PHF24: variants seen among roughly 807,000 people sequenced by gnomAD.
PHF24 encodes Galpha inhibitory interacting protein.
PHF24 carries 25 observed loss-of-function variants against 42.6 expected under a neutral mutation model. That is an observed-to-expected ratio of 0.59 (90% CI 0.43 to 0.82). PHF24 has a LOEUF of 0.82. PHF24 is among the 40% of genes least tolerant of loss of function. The pLI is 0.00. For missense variants in PHF24, 470 were observed against 538.1 expected (o/e 0.87, Z 1.25); for synonymous variants, 185 against 204.8 (o/e 0.90, Z 0.83).
the PHF24 span, among the ~76,000 whole-genome samples, chr9:34,803,520 GT>G: frequency 2.6e-5 from 4 of 152,188 alleles, no homozygotes; most frequent in Admixed American, 6.5e-5. Context: ...AAACAGGAGT[GT>G]AAGAGGGGAC....
chr9:34,845,646 T>C, the PHF24 span, among the ~76,000 whole-genome samples: 1 of 152,064 alleles, frequency 6.6e-6, no homozygotes, highest in African/African-American at 2.4e-5. Context: ...ATGTGCACAA[T>C]GTGCAGGTTA....
chr9:34,956,423 C>G (rs541939943), upstream of PHF24, among the ~76,000 whole-genome samples: 14 of 152,226 alleles, frequency 9.2e-5, no homozygotes, highest in South Asian at 2.3e-3. Flanking sequence ...CTGCACCTGG[C>G]TAATTGTTGT....
At chr9:34,803,939 T>C in the PHF24 span, among the ~76,000 whole-genome samples, 2 of 152,180 alleles carry the variant, frequency 1.3e-5, no homozygotes, top group African/African-American at 4.8e-5. Context: ...ATTTTTCATA[T>C]AGATGCTAAG....
chr9:34,715,378 G>A, the PHF24 span, among the ~76,000 whole-genome samples: 1 of 152,072 alleles, frequency 6.6e-6, no homozygotes, highest in East Asian at 1.9e-4. Flanking sequence ...TCAGCTGCTG[G>A]CCTGGGTTTA....
the PHF24 span, among the ~76,000 whole-genome samples, chr9:34,743,279 ACT>A: frequency 6.6e-6 from 1 of 152,206 alleles, no homozygotes; most frequent in African/African-American, 2.4e-5. Context: ...AAAGTAGTAA[ACT>A]CTATAAAGCA....
At chr9:34,758,489 T>A in the PHF24 span, among the ~76,000 whole-genome samples, 1 of 152,036 alleles carries the variant, frequency 6.6e-6, no homozygotes, top group Admixed American at 6.5e-5. This position sits in a 1 kb window ranked among gnomAD's most constrained non-coding sequence, Gnocchi z 4.4. Context: ...TTCCCTGCTG[T>A]GCAGGACCCA....
At chr9:34,953,408 G>A (rs1826304075), upstream of PHF24, among the ~76,000 whole-genome samples, 1 of 152,128 alleles carries the variant, frequency 6.6e-6, no homozygotes, top group Non-Finnish European at 1.5e-5. This position sits in a 1 kb window ranked among gnomAD's most constrained non-coding sequence, Gnocchi z 4.1. Flanking sequence ...AAGGCACTGG[G>A]ATTATAGGTG....
At chr9:34,971,463 A>G in exon 2 of PHF24, 1 of 1,614,198 alleles carries the variant, frequency 6.2e-7, no homozygotes, top group Non-Finnish European at 8.5e-7. Flanking sequence ...TCCAGGAGGT[A>G]CAGGAGGAGA....
the PHF24 span, among the ~76,000 whole-genome samples, chr9:34,666,736 A>T: frequency 6.6e-6 from 1 of 152,136 alleles, no homozygotes; most frequent in South Asian, 2.1e-4. Context: ...TCACGAGTTC[A>T]GGAGTTCAAG....
At chr9:34,733,511 T>G in the PHF24 span, among the ~76,000 whole-genome samples, 4 of 151,766 alleles carry the variant, frequency 2.6e-5, no homozygotes, top group Non-Finnish European at 5.9e-5. Context: ...GTCTTTTTTT[T>G]TTTTTGAGAC....
the PHF24 span, among the ~76,000 whole-genome samples, chr9:34,769,753 A>G: frequency 6.6e-6 from 1 of 152,346 alleles, no homozygotes; most frequent in South Asian, 2.1e-4. Flanking sequence ...ATCCAGGAAT[A>G]GAGCATGTAT....
the PHF24 span, among the ~76,000 whole-genome samples, chr9:34,685,220 G>T: frequency 4.6e-5 from 7 of 152,076 alleles, no homozygotes; most frequent in Non-Finnish European, 1.0e-4. Context: ...CAGATCCCCA[G>T]CACTCTTCCT....
At chr9:34,734,604 C>A in the PHF24 span, among the ~76,000 whole-genome samples, 1 of 152,128 alleles carries the variant, frequency 6.6e-6, no homozygotes, top group Admixed American at 6.5e-5. Context: ...AGGTGAAGAC[C>A]CATTGCAGCT....
the PHF24 span, among the ~76,000 whole-genome samples, chr9:34,854,752 G>C: frequency 1.3e-5 from 2 of 152,208 alleles, no homozygotes; most frequent in Admixed American, 1.3e-4. Flanking sequence ...TATATATCCT[G>C]TCATTTTTGG....
chr9:34,677,995 GT>G, the PHF24 span: 1 of 152,218 alleles, frequency 6.6e-6, no homozygotes, highest in African/African-American at 2.4e-5. Context: ...CTGTGAGGGT[GT>G]TGCCAAAGGA....
At chr9:34,671,108 C>A in the PHF24 span, among the ~76,000 whole-genome samples, 1 of 152,176 alleles carries the variant, frequency 6.6e-6, no homozygotes. Flanking sequence ...TTTTCCTATG[C>A]CCCAGAGCTG....
chr9:34,878,391 G>A, the PHF24 span, among the ~76,000 whole-genome samples: 5 of 152,226 alleles, frequency 3.3e-5, no homozygotes, highest in African/African-American at 1.2e-4. Flanking sequence ...GCAGCCCATG[G>A]AGTGTGAGTT....
chr9:34,937,034 G>GCC, the PHF24 span, among the ~76,000 whole-genome samples: 27 of 135,366 alleles, frequency 2.0e-4, no homozygotes, highest in African/African-American at 4.6e-4. Context: ...GGGGGGGTCA[G>GCC]CCCCCCCCCC....
chr9:34,832,357 G>T, the PHF24 span: 9 of 769,928 alleles, frequency 1.2e-5, no homozygotes, highest in Non-Finnish European at 2.0e-5. Context: ...GGACAGTGGT[G>T]GGGGTGGCCT....
Sources: allele counts gnomAD v4.1 joint callset (sites outside exome capture counted in the v4.1 genomes callset), GRCh38; gene constraint gnomAD v4.1.1; non-coding constraint Gnocchi (gnomAD v3.1); transcripts MANE v1.5; gene names NCBI Gene and HGNC (gene_info 2026-07-23, HGNC 2026-07-21).